METRNL: variants seen among roughly 807,000 people sequenced by gnomAD.
METRNL encodes meteorin-like protein.
METRNL carries 9 observed loss-of-function variants against 17.4 expected under a neutral mutation model. That is an observed-to-expected ratio of 0.52 (90% CI 0.31 to 0.90). The LOEUF (loss-of-function observed/expected upper bound fraction) is 0.90. METRNL is among the 40% of genes least tolerant of loss of function. The pLI is 0.05. For missense variants in METRNL, 408 were observed against 430.7 expected (o/e 0.95, Z 0.47); for synonymous variants, 215 against 199.3 (o/e 1.08, Z -0.66).
chr17:83,081,691 C>A (rs946766145), intron 1 of METRNL, among the ~76,000 whole-genome samples: 2 of 152,136 alleles, frequency 1.3e-5, no homozygotes, highest in Non-Finnish European at 2.9e-5. Context: ...GGGGACCCCC[C>A]CCAACACACA....
In METRNL at chr17:83,094,665, C is replaced by A; in HGVS notation, c.*90C>A. On this transcript the variant is annotated 3_prime_UTR_variant, in exon 4 of 4. Coordinates refer to ENST00000320095, the MANE Select transcript of METRNL (RefSeq NM_001004431.3). ...GTGGGGCCGTGCGGTGAGGGCCGCG[C>A]GCTGGGAGCCGCATGCCCTGGGCCC... 1 of 1,086,292 alleles carries A rather than the reference C, an allele frequency of 9.2e-7. No individual in the cohort carries two copies. Among genetic ancestry groups the A allele is most frequent in the Non-Finnish European group, 1.2e-6 (1 of 828,030 alleles). The allele number at this position is 1,086,292 out of a possible 1,614,324, so 67.3% of individuals were successfully genotyped here.
At chr17:83,081,397 G>A (rs922777019) in intron 1 of METRNL, among the ~76,000 whole-genome samples, 1 of 152,166 alleles carries the variant, frequency 6.6e-6, no homozygotes, top group African/African-American at 2.4e-5. Context: ...TGTCGAGAAG[G>A]GGCCGGCGCC....
chr17:83,084,676 C>T (rs1272729552), intron 1 of METRNL: 1 of 540,820 alleles, frequency 1.8e-6, no homozygotes, highest in African/African-American at 1.9e-5. Context: ...CGCCTGCACT[C>T]CCGGGAGCTC....
chr17:83,084,882 G>A lies in METRNL; in HGVS notation c.171-56G>A, dbSNP rs9900131. Reference sequence around the variant, plus strand: ...GTCCTCACTGACTCTCTGTGGGTGCGGGTGGGGTGTGTGACGGGAGCTCCG... The same window carrying A: ...GTCCTCACTGACTCTCTGTGGGTGCAGGTGGGGTGTGTGACGGGAGCTCCG... On this transcript the variant is annotated intron_variant, in intron 1 of 3. Transcript: ENST00000320095. 4.8e-4 allele frequency: 742 copies of A among 1,559,216 alleles called. 2 individuals carry two copies. The African/African-American group carries it at 6.8e-3, about 14-fold the overall frequency.
In METRNL at chr17:83,094,991, A is replaced by G. The variant is rs552373388; in HGVS notation, c.*416A>G. ...TGAAAAGGTGCCATTCAGAGTTGTT[A>G]TTCTCATGACGGAAGTTTTGGAGCC... On this transcript the variant is annotated 3_prime_UTR_variant, in exon 4 of 4. Transcript: ENST00000320095. 33 of 189,520 alleles carry G rather than the reference A, an allele frequency of 1.7e-4. No homozygotes were observed. Among genetic ancestry groups the G allele is most frequent in the Non-Finnish European group, 3.1e-4 (29 of 93,370 alleles). 11.7% of individuals were successfully genotyped at this position (189,520 alleles called of 1,614,324 possible).
chr17:83,086,205 C>G (rs2038051311), intron 2 of METRNL, among the ~76,000 whole-genome samples: 1 of 152,210 alleles, frequency 6.6e-6, no homozygotes, highest in Admixed American at 6.5e-5. Context: ...GAATGGGAAT[C>G]CACATTTTTG....
At chr17:83,093,414 A>G (rs1289145650) in intron 3 of METRNL, among the ~76,000 whole-genome samples, 188 bp downstream of exon 3, 1 of 152,084 alleles carries the variant, frequency 6.6e-6, no homozygotes, top group Non-Finnish European at 1.5e-5. Context: ...CAGGGACGCC[A>G]CCGCCCACAC....
chr17:83,080,992 C>CA (rs2037979714), intron 1 of METRNL, among the ~76,000 whole-genome samples: 1 of 151,552 alleles, frequency 6.6e-6, no homozygotes, highest in African/African-American at 2.4e-5. Flanking sequence ...GGTCTCCCCG[C>CA]AGCCGCAGCC....
intron 1 of METRNL, among the ~76,000 whole-genome samples, chr17:83,080,640 G>A (rs1193696061): frequency 7.8e-6 from 1 of 127,612 alleles, no homozygotes; most frequent in African/African-American, 2.9e-5. Context: ...AAGCGTGGCC[G>A]CCGAGAGCGG....
rs533331073 is a variant in METRNL, at chr17:83,088,034, C to A, written c.556+2711C>A. The stretch of plus-strand genomic sequence containing the variant: ...ATCGGCTTCCTTGAGTAAACTGAGA[C>A]ACGCCGATGACCAAGAGTTGGCCGG... On this transcript the variant is annotated intron_variant, in intron 2 of 3. Transcript: ENST00000320095. 7.2e-5 allele frequency among the ~76,000 whole-genome samples: 11 copies of A among 152,302 alleles called. No homozygotes were observed. The South Asian group carries it at 1.0e-3, about 14-fold the overall frequency.
At chr17:83,093,374 C>A in intron 3 of METRNL, 148 bp downstream of exon 3, 1 of 651,490 alleles carries the variant, frequency 1.5e-6, no homozygotes, top group Non-Finnish European at 2.6e-6. Context: ...TGTGGAAGCC[C>A]TGGGCTCGGC....
intron 1 of METRNL, among the ~76,000 whole-genome samples, chr17:83,081,152 G>C (rs2037981670): frequency 6.6e-6 from 1 of 151,768 alleles, no homozygotes. Context: ...CTCCCTTCTC[G>C]GCCGAGCGGG....
chr17:83,094,929 T>C lies in METRNL; in HGVS notation c.*354T>C, dbSNP rs1448215445. Reference sequence around the variant, plus strand: ...AGGAGTCACGGCATCTGGCCTGCGGTTGGGTGAAGCACTGGCCGTTGGGCA... The same window carrying C: ...AGGAGTCACGGCATCTGGCCTGCGGCTGGGTGAAGCACTGGCCGTTGGGCA... On this transcript the variant is annotated 3_prime_UTR_variant, in exon 4 of 4. Coordinates refer to ENST00000320095, the MANE Select transcript of METRNL (RefSeq NM_001004431.3). The C allele has an allele frequency of 2.0e-5, 5 of 252,670 alleles. No individual in the cohort carries two copies. Among genetic ancestry groups the C allele is most frequent in the Admixed American group, 1.1e-4 (2 of 18,044 alleles). 15.7% of individuals were successfully genotyped at this position (252,670 alleles called of 1,614,324 possible). A position where few individuals can be genotyped will look rare whatever the true frequency, so the allele number is the denominator to read the frequency against.
In METRNL at chr17:83,094,315, C is replaced by A; in HGVS notation, c.676C>A (p.His226Asn). ...GCCTGAGCGGCAGGACTCAGCCATCCACCTGCGCGTGAGCAGACTCTATCG... is the reference window on the plus strand; with the variant it reads ...GCCTGAGCGGCAGGACTCAGCCATCAACCTGCGCGTGAGCAGACTCTATCG... ...HEPERQDSAI[H>N]LRVSRLYRQK... Residue 226 changes from histidine (H) to asparagine (N), a missense_variant, in exon 4 of 4, where the codon CAC becomes AAC. His to Asn is a moderately conservative substitution (Grantham distance 68). Coordinates refer to ENST00000320095, the MANE Select transcript of METRNL (RefSeq NM_001004431.3). 1 of 1,599,196 alleles carries A rather than the reference C, an allele frequency of 6.3e-7. No homozygotes were observed. The highest frequency in any genetic ancestry group is 1.1e-5 in the South Asian group (1 of 90,150).
At chr17:83,092,923 C>T (rs974445439) in intron 2 of METRNL, among the ~76,000 whole-genome samples, 16 of 152,176 alleles carry the variant, frequency 1.1e-4, no homozygotes, top group African/African-American at 3.6e-4. Context: ...CAGGTGGGGC[C>T]GAGGGGTCCC....
At chr17:83,087,348 A>G (rs1259699002) in intron 2 of METRNL, among the ~76,000 whole-genome samples, 2 of 152,026 alleles carry the variant, frequency 1.3e-5, no homozygotes. Flanking sequence ...CGGAACTGAC[A>G]GGGGCCCAGA....
chr17:83,080,865 C>A (rs1254164243), intron 1 of METRNL, among the ~76,000 whole-genome samples: 1 of 150,884 alleles, frequency 6.6e-6, no homozygotes. Flanking sequence ...GCGGCCCCCG[C>A]CCCCGCCCCC....
intron 2 of METRNL, among the ~76,000 whole-genome samples, chr17:83,091,161 C>G (rs1028778814): frequency 1.1e-4 from 17 of 152,046 alleles, no homozygotes; most frequent in African/African-American, 3.6e-4. Flanking sequence ...CCCCCCAGTG[C>G]CAGGCTGGAC....
intron 2 of METRNL, among the ~76,000 whole-genome samples, chr17:83,085,721 C>G (rs1159990632): frequency 6.6e-6 from 1 of 152,216 alleles, no homozygotes; most frequent in African/African-American, 2.4e-5. Flanking sequence ...GTGAGCATCC[C>G]CCTGTGGCGG....
Sources: gnomAD v4.1 joint callset for allele counts (sites outside exome capture counted in the v4.1 genomes callset) on GRCh38, gnomAD v4.1.1 for gene constraint, MANE v1.5 for transcripts, NCBI Gene and HGNC (gene_info 2026-07-23, HGNC 2026-07-21) for gene names.